CTNNA2: variants seen among roughly 807,000 people sequenced by gnomAD.
CTNNA2 encodes catenin alpha-2.
In CTNNA2, 42 loss-of-function variants were observed where a neutral mutation model predicts 101.0. That is an observed-to-expected ratio of 0.42 (90% CI 0.32 to 0.54). The LOEUF (loss-of-function observed/expected upper bound fraction) is 0.54, where lower values mean the gene tolerates loss of function less well. Ranked by LOEUF, CTNNA2 falls within the 20% of genes least tolerant of loss-of-function variation. The probability of loss-of-function intolerance (pLI) is 0.14; values close to 1 mark genes in which losing one functional copy is unlikely to be tolerated. For missense variants in CTNNA2, 871 were observed against 1,223.1 expected (o/e 0.71, Z 4.29); for synonymous variants, 450 against 456.4 (o/e 0.99, Z 0.18).
At chr2:79,695,021 T>C (rs182507232) in intron 2 of CTNNA2, among the ~76,000 whole-genome samples, 3 of 139,172 alleles carry the variant, frequency 2.2e-5, no homozygotes. Context: ...AACCAAGCCT[T>C]ACATTTTTTT....
intron 1 of CTNNA2, among the ~76,000 whole-genome samples, chr2:79,646,514 T>G (rs920576782): frequency 6.7e-6 from 1 of 150,268 alleles, no homozygotes; most frequent in Non-Finnish European, 1.5e-5. Context: ...TTTAAAACTT[T>G]TCTTTCTGTC....
At chr2:79,227,381 A>G (rs895663474) in intron 2 of CTNNA2, among the ~76,000 whole-genome samples, 1 of 152,208 alleles carries the variant, frequency 6.6e-6, no homozygotes, top group Non-Finnish European at 1.5e-5. Flanking sequence ...TGGAACATGT[A>G]TGCCATTATC....
chr2:79,466,629 G>A (rs1670939950), intron 4 of CTNNA2, among the ~76,000 whole-genome samples: 1 of 152,224 alleles, frequency 6.6e-6, no homozygotes, highest in Non-Finnish European at 1.5e-5. Context: ...GGCATCCCCA[G>A]TAGGGGCAGA....
chr2:80,040,587 C>T (rs1377682180), intron 7 of CTNNA2, among the ~76,000 whole-genome samples: 1 of 152,152 alleles, frequency 6.6e-6, no homozygotes, highest in Non-Finnish European at 1.5e-5. Context: ...GTTGGTACTT[C>T]ATCTGTTAAA....
intron 4 of CTNNA2, among the ~76,000 whole-genome samples, chr2:79,451,822 T>G (rs1311030058): frequency 6.6e-6 from 1 of 151,506 alleles, no homozygotes; most frequent in East Asian, 1.9e-4. Context: ...GTATACATTA[T>G]ATTGTATGCT....
chr2:79,486,994 A>G (rs1422747966), intron 4 of CTNNA2, among the ~76,000 whole-genome samples: 2 of 152,244 alleles, frequency 1.3e-5, no homozygotes, highest in East Asian at 3.9e-4. Context: ...ATACATGTAT[A>G]TTTACTTCAT....
At chr2:80,380,017 T>A (rs577204577) in intron 7 of CTNNA2, among the ~76,000 whole-genome samples, 84 of 151,410 alleles carry the variant, frequency 5.5e-4, no homozygotes, top group Non-Finnish European at 7.4e-5. Flanking sequence ...TCTTGCACTG[T>A]TCGAGATGTA....
chr2:80,196,169 A>G (rs866686270), intron 7 of CTNNA2, among the ~76,000 whole-genome samples: 1 of 152,184 alleles, frequency 6.6e-6, no homozygotes, highest in African/African-American at 2.4e-5. Context: ...TGTAAAAAAC[A>G]TATACCCAAA....
chr2:79,572,785 A>T (rs999345139), intron 1 of CTNNA2, among the ~76,000 whole-genome samples: 1 of 152,202 alleles, frequency 6.6e-6, no homozygotes, highest in Non-Finnish European at 1.5e-5. Context: ...AGTGTATATG[A>T]TCTTACATTC....
chr2:80,327,118 G>A (rs1670883352), intron 7 of CTNNA2, among the ~76,000 whole-genome samples: 1 of 152,104 alleles, frequency 6.6e-6, no homozygotes, highest in Non-Finnish European at 1.5e-5. Flanking sequence ...AACACATGCT[G>A]TTCTCTGAGT....
In CTNNA2 at chr2:79,646,617, A is replaced by C. The variant is rs1680839640; in HGVS notation, c.-5-4935A>C. On this transcript the variant is annotated intron_variant, in intron 1 of 18. Transcript: ENST00000402739. ...AATCATGACTCACTGAAGCCTCGAC[A>C]TCCCTGGGCTCAAGTGATCCTCCCA... Among the ~76,000 whole-genome samples the C allele has an allele frequency of 2.7e-5, 4 of 147,882 alleles. No individual in the cohort carries two copies. In the South Asian group the frequency reaches 8.5e-4, roughly 32 times the overall value.
chr2:80,375,266 A>G (rs978834501), intron 7 of CTNNA2, among the ~76,000 whole-genome samples: 3 of 152,142 alleles, frequency 2.0e-5, no homozygotes, highest in Middle Eastern at 3.2e-3. Flanking sequence ...GGTCCTCTGG[A>G]GGGAAAAGGG....
At chr2:79,822,967 C>G (rs971997223) in intron 3 of CTNNA2, among the ~76,000 whole-genome samples, 1 of 152,190 alleles carries the variant, frequency 6.6e-6, no homozygotes, top group African/African-American at 2.4e-5. Context: ...ACTTGACAGG[C>G]TCTTTTCTGA....
chr2:80,130,105 G>A (rs180802441), intron 7 of CTNNA2, among the ~76,000 whole-genome samples: 1 of 152,056 alleles, frequency 6.6e-6, no homozygotes, highest in Admixed American at 6.6e-5. Context: ...AAATCACGGT[G>A]GTGCCAAAGA....
At chr2:79,558,238 G>T (rs933447292) in intron 1 of CTNNA2, among the ~76,000 whole-genome samples, 30 of 151,872 alleles carry the variant, frequency 2.0e-4, no homozygotes, top group East Asian at 1.9e-4. Context: ...TCTTTTTACA[G>T]ATTGATTCTG....
intron 7 of CTNNA2, among the ~76,000 whole-genome samples, chr2:80,135,264 T>G (rs189997601): frequency 2.7e-3 from 407 of 152,302 alleles, no homozygotes; most frequent in African/African-American, 6.2e-3. Context: ...GGCCATGAAC[T>G]CTGGCAGGAA....
At chr2:80,098,718 C>A (rs1700342092) in intron 7 of CTNNA2, among the ~76,000 whole-genome samples, 1 of 152,166 alleles carries the variant, frequency 6.6e-6, no homozygotes, top group Non-Finnish European at 1.5e-5. Context: ...GGCGCCCCTC[C>A]CCCAGCCTCG....
chr2:79,587,461 C>T (rs1676570505), intron 1 of CTNNA2, among the ~76,000 whole-genome samples: 1 of 152,110 alleles, frequency 6.6e-6, no homozygotes, highest in Non-Finnish European at 1.5e-5. Flanking sequence ...GCTGCCCATG[C>T]ACACTTCCTT....
chr2:80,411,108 C>T (rs959602003), intron 8 of CTNNA2, among the ~76,000 whole-genome samples: 10 of 152,196 alleles, frequency 6.6e-5, no homozygotes. Flanking sequence ...AGTCTCTTGG[C>T]CCTTGGCTTG....
Sources: gnomAD v4.1 joint callset for allele counts (sites outside exome capture counted in the v4.1 genomes callset) on GRCh38, gnomAD v4.1.1 for gene constraint, MANE v1.5 for transcripts, NCBI Gene and HGNC (gene_info 2026-07-23, HGNC 2026-07-21) for gene names.